The following SNTG2 variants were observed in gnomAD, a reference collection of about 807,000 sequenced individuals.
SNTG2 encodes gamma-2-syntrophin.
Under a neutral mutation model 70.9 loss-of-function variants are expected in SNTG2, and 74 were observed. The observed-to-expected ratio is 1.04, with a 90% CI of 0.86 to 1.27. SNTG2 has a LOEUF of 1.27. Ranked by LOEUF, SNTG2 falls within the 50% of genes most tolerant of loss-of-function variation. SNTG2 has a pLI of 0.00. For missense variants in SNTG2, 717 were observed against 690.7 expected, an observed-to-expected ratio of 1.04 and a Z score of -0.43; for synonymous variants, 278 against 273.8, an observed-to-expected ratio of 1.02 and a Z score of -0.15.
rs28485854 is a variant in SNTG2 at position 1,249,981 on chromosome 2, C to G, written c.1005+2538C>G. ...TGTGGAGAGTGAGGGCTGAGGAGGGCGCATGGCACTGGGGTGAGGACCAGG... is the reference window on the plus strand; with the variant it reads ...TGTGGAGAGTGAGGGCTGAGGAGGGGGCATGGCACTGGGGTGAGGACCAGG... On this transcript the variant is annotated intron_variant, in intron 12 of 16. Coordinates refer to ENST00000308624, the MANE Select transcript of SNTG2 (RefSeq NM_018968.4). Among the ~76,000 whole-genome samples, 359 of 152,240 alleles carry G rather than the reference C, an allele frequency of 2.4e-3. 2 individuals carry two copies. Among genetic ancestry groups the G allele is most frequent in the South Asian group, 7.5e-3 (36 of 4,814 alleles).
At chr2:1,356,731 T>A (rs2148313663) in intron 16 of SNTG2, among the ~76,000 whole-genome samples, 1 of 152,326 alleles carries the variant, frequency 6.6e-6, no homozygotes, top group East Asian at 1.9e-4. Context: ...TGATGGATGT[T>A]GCATTGAATC....
chr2:995,062 C>T (rs572709254), intron 1 of SNTG2, among the ~76,000 whole-genome samples: 1 of 151,358 alleles, frequency 6.6e-6, no homozygotes, highest in African/African-American at 2.4e-5. Flanking sequence ...GTTCTTTTTT[C>T]CTCCTAATAT....
At chr2:1,106,058 C>A (rs376456626) in intron 4 of SNTG2, among the ~76,000 whole-genome samples, 1 of 115,630 alleles carries the variant, frequency 8.6e-6, no homozygotes, top group Non-Finnish European at 1.8e-5. Context: ...ATGGAGAGCT[C>A]CTTGGTAATA....
chr2:1,197,322 A>G (rs1384175904), intron 8 of SNTG2, among the ~76,000 whole-genome samples: 2 of 151,970 alleles, frequency 1.3e-5, no homozygotes, highest in Non-Finnish European at 2.9e-5. Flanking sequence ...AGAAGCAACT[A>G]TAATTATATC....
chr2:1,318,542 C>A (rs1183675212), intron 16 of SNTG2, among the ~76,000 whole-genome samples: 1 of 152,220 alleles, frequency 6.6e-6, no homozygotes, highest in Non-Finnish European at 1.5e-5. Context: ...GAGGCAGCGG[C>A]ACTCGTGCTG....
At chr2:972,798 T>C (rs1362910017) in intron 1 of SNTG2, among the ~76,000 whole-genome samples, 1 of 152,134 alleles carries the variant, frequency 6.6e-6, no homozygotes, top group East Asian at 1.9e-4. Flanking sequence ...CACTTTGTCT[T>C]CCACCATGAT....
At position 996,271 on chromosome 2, in the gene SNTG2, CACTT is replaced by C. The variant is rs1278730889; in HGVS notation, c.72+45206_72+45209del. 3.3e-5 allele frequency among the ~76,000 whole-genome samples: 5 copies of C among 152,272 alleles called. No individual in the cohort carries two copies. In the South Asian group the frequency reaches 1.0e-3, roughly 32 times the overall value. ...TTAAAAACTAAGAGAACTTTTCAAA[CACTT>C]ACCTTTCTGGCAACTTCGACTGCCA... On this transcript the variant is annotated intron_variant, in intron 1 of 16. Coordinates refer to ENST00000308624, the MANE Select transcript of SNTG2 (RefSeq NM_018968.4).
chr2:1,114,948 T>G (rs1666840143), intron 4 of SNTG2, among the ~76,000 whole-genome samples: 1 of 152,142 alleles, frequency 6.6e-6, no homozygotes, highest in South Asian at 2.1e-4. Context: ...GTTTAACCCT[T>G]ACAGTCCTTT....
chr2:1,102,781 T>C (rs889493244), intron 4 of SNTG2: 1 of 152,380 alleles, frequency 6.6e-6, no homozygotes, highest in Non-Finnish European at 1.5e-5. Context: ...AGAGACTTGC[T>C]GTAGGTGGAG....
intron 16 of SNTG2, among the ~76,000 whole-genome samples, chr2:1,347,506 CACA>C (rs1660355998): frequency 6.6e-6 from 1 of 152,198 alleles, no homozygotes. Flanking sequence ...TCTTAAAGAC[CACA>C]ACATCATCTC....
chr2:1,123,878 A>T (rs565388671), intron 4 of SNTG2, among the ~76,000 whole-genome samples: 1 of 152,350 alleles, frequency 6.6e-6, no homozygotes, highest in Non-Finnish European at 1.5e-5. Context: ...CAAGGCAGAT[A>T]CAGAAAGACA....
intron 9 of SNTG2, among the ~76,000 whole-genome samples, chr2:1,224,159 A>G (rs1383455522): frequency 6.6e-6 from 1 of 152,178 alleles, no homozygotes; most frequent in East Asian, 1.9e-4. Flanking sequence ...TCACCTCTCA[A>G]AGGCCCCACC....
intron 1 of SNTG2, among the ~76,000 whole-genome samples, chr2:1,076,472 A>G (rs371310122): frequency 2.4e-4 from 37 of 152,194 alleles, no homozygotes; most frequent in African/African-American, 8.7e-4. Context: ...CTTTATAACA[A>G]CTTGCATACA....
chr2:1,026,343 TCTC>T (rs1393371592), intron 1 of SNTG2, among the ~76,000 whole-genome samples: 2 of 152,200 alleles, frequency 1.3e-5, no homozygotes, highest in Admixed American at 1.3e-4. Flanking sequence ...GAGGACTTGT[TCTC>T]CTCCTTCCAA....
At position 1,247,342 on chromosome 2, in the gene SNTG2, T is replaced by G. The variant is rs768424660; in HGVS notation, c.904T>G (p.Trp302Gly). 6.2e-7 allele frequency: 1 copy of G among 1,613,148 alleles called. No individual in the cohort carries two copies. Among genetic ancestry groups the G allele is most frequent in the Non-Finnish European group, 8.5e-7 (1 of 1,179,334 alleles). ...CCCTCTGCAGGTTGTGCATATGGGG[T>G]GGGTAAATGAGAAACTCCAAGGAGC... ...SPSDQVVHMG[W>G]VNEKLQGADS... The change falls in exon 12 of 17, where the codon TGG becomes GGG. Residue 302 changes from tryptophan to glycine, a missense_variant. Trp to Gly is a radical substitution (Grantham distance 184). Coordinates refer to ENST00000308624, the MANE Select transcript of SNTG2 (RefSeq NM_018968.4).
chr2:995,714 T>A (rs1661656271), intron 1 of SNTG2, among the ~76,000 whole-genome samples: 1 of 152,172 alleles, frequency 6.6e-6, no homozygotes, highest in South Asian at 2.1e-4. Flanking sequence ...GATTATGTAT[T>A]TTTTATTCAA....
At chr2:1,367,225 T>C in intron 16 of SNTG2, 118 bp from the exon 17 acceptor site, 1 of 908,752 alleles carries the variant, frequency 1.1e-6, no homozygotes, top group Non-Finnish European at 1.6e-6. Context: ...TTCCTGTCTA[T>C]TATTATTTTT....
At chr2:1,091,266 C>G (rs970785942) in intron 2 of SNTG2, among the ~76,000 whole-genome samples, 3 of 152,138 alleles carry the variant, frequency 2.0e-5, no homozygotes, top group African/African-American at 7.2e-5. Flanking sequence ...TAGTGCAGGC[C>G]AGGCTGACCA....
chr2:1,306,744 C>T (rs1234134505), intron 14 of SNTG2, among the ~76,000 whole-genome samples: 2 of 148,986 alleles, frequency 1.3e-5, no homozygotes, highest in Non-Finnish European at 3.0e-5. Flanking sequence ...GTGTGAGCCA[C>T]ACTGTGTGTG....
Sources: allele counts gnomAD v4.1 joint callset (sites outside exome capture counted in the v4.1 genomes callset), GRCh38; gene constraint gnomAD v4.1.1; transcripts MANE v1.5; gene names NCBI Gene and HGNC (gene_info 2026-07-23, HGNC 2026-07-21).